KCNJ3: variants seen among roughly 807,000 people sequenced by gnomAD.
The protein encoded by KCNJ3 is G protein-activated inward rectifier potassium channel 1.
A neutral mutation model predicts 39.2 loss-of-function variants in KCNJ3; 4 were observed. The observed-to-expected ratio is 0.10, with a 90% CI of 0.05 to 0.23. KCNJ3 has a LOEUF of 0.23. KCNJ3 is among the 10% of genes least tolerant of loss of function. The probability of loss-of-function intolerance (pLI) is 1.00; values close to 1 mark genes in which losing one functional copy is unlikely to be tolerated. For synonymous variants in KCNJ3, 230 were observed against 237.4 expected (o/e 0.97, Z 0.29); for missense variants, 276 against 634.9 (o/e 0.43, Z 6.08).
chr2:154,850,813 A>G (rs1172300794), intron 2 of KCNJ3, among the ~76,000 whole-genome samples: 1 of 152,172 alleles, frequency 6.6e-6, no homozygotes, highest in Non-Finnish European at 1.5e-5. Context: ...AATACACCCC[A>G]TATATCCATA....
At chr2:154,771,432 C>T (rs931164960) in intron 2 of KCNJ3, among the ~76,000 whole-genome samples, 1 of 152,226 alleles carries the variant, frequency 6.6e-6, no homozygotes, top group Non-Finnish European at 1.5e-5. Context: ...GATGAAAATA[C>T]TGGAGAATTG....
intron 2 of KCNJ3, among the ~76,000 whole-genome samples, chr2:154,778,560 C>T (rs1686378444): frequency 6.6e-6 from 1 of 152,066 alleles, no homozygotes; most frequent in Admixed American, 6.6e-5. Flanking sequence ...TAGCCTATTA[C>T]ATTATAATGA....
chr2:154,817,054 T>C (rs1687093440), intron 2 of KCNJ3, among the ~76,000 whole-genome samples: 1 of 152,206 alleles, frequency 6.6e-6, no homozygotes, highest in Non-Finnish European at 1.5e-5. Flanking sequence ...TTGTAAAAAT[T>C]ATTAATGTGA....
rs1686217563 is a variant in KCNJ3, at chr2:154,770,362, A to C, written c.919+60543A>C. Among the ~76,000 whole-genome samples, 4 of 152,238 alleles carry C rather than the reference A, an allele frequency of 2.6e-5. No individual in the cohort carries two copies. The South Asian group carries it at 8.3e-4, about 32-fold the overall frequency. On this transcript the variant is annotated intron_variant, in intron 2 of 2. Coordinates refer to ENST00000295101, the MANE Select transcript of KCNJ3 (RefSeq NM_002239.4). Reference sequence around the variant, plus strand: ...GTTGATGGAAATCTTCCTGGTTCTTAATTCTGTTCCGTCGTAGCTCTTGGA... The same window carrying C: ...GTTGATGGAAATCTTCCTGGTTCTTCATTCTGTTCCGTCGTAGCTCTTGGA...
At chr2:154,807,025 G>T (rs372372017) in intron 2 of KCNJ3, among the ~76,000 whole-genome samples, 1 of 152,086 alleles carries the variant, frequency 6.6e-6, no homozygotes, top group African/African-American at 2.4e-5. Flanking sequence ...TTCCATAATG[G>T]TGTCATTGAT....
chr2:154,815,648 C>T (rs1174607232), intron 2 of KCNJ3, among the ~76,000 whole-genome samples: 1 of 152,082 alleles, frequency 6.6e-6, no homozygotes, highest in African/African-American at 2.4e-5. Context: ...AGAGAAATGC[C>T]CTTCCTGTCT....
rs754153819 is a variant in KCNJ3 at position 154,854,883 on chromosome 2, A to G, written c.1076A>G (p.Lys359Arg). 6.2e-7 allele frequency: 1 copy of G among 1,614,046 alleles called. No homozygotes were observed. Among genetic ancestry groups the G allele is most frequent in the Non-Finnish European group, 8.5e-7 (1 of 1,179,948 alleles). The change falls in exon 3 of 3, where the codon AAA (lysine) becomes AGA (arginine). Residue 359 changes from lysine to arginine, a missense_variant. Lys to Arg is a conservative substitution (Grantham distance 26). Coordinates refer to ENST00000295101, the MANE Select transcript of KCNJ3 (RefSeq NM_002239.4). ...GTCCCCACCCCACCTTACAGTGTGA[A>G]AGAGCAGGAGGAAATGCTTCTCATG... ...FEVPTPPYSV[K>R]EQEEMLLMSS... is the part of the protein sequence containing the mutation.
At chr2:154,735,069 CTGTGTGTG>C (rs10632638) in intron 2 of KCNJ3, among the ~76,000 whole-genome samples, 5 of 145,814 alleles carry the variant, frequency 3.4e-5, no homozygotes, top group African/African-American at 7.7e-5. Flanking sequence ...CCTTGTAGGC[CTGTGTGTG>C]TGTGTGTGTG....
rs1684849775 is a variant in KCNJ3, at chr2:154,699,553, G to C, written c.702+76G>C. 2.0e-6 allele frequency: 3 copies of C among 1,482,830 alleles called. No homozygotes were observed. The highest frequency in any genetic ancestry group is 2.7e-6 in the Non-Finnish European group (3 of 1,118,230). 91.9% of individuals were successfully genotyped at this position (1,482,830 alleles called of 1,614,324 possible). A position where few individuals can be genotyped will look rare whatever the true frequency, so the allele number is the denominator to read the frequency against. On this transcript the variant is annotated intron_variant, in intron 1 of 2. Transcript: ENST00000295101. This position sits in a 1 kb window ranked among gnomAD's most constrained non-coding sequence, Gnocchi z 6.4. Reference sequence around the variant, plus strand: ...CGCGGAGTAACTCGTCTGAGAACCAGCCCGGGCCCCCTCCCCTGGTTCTAC... The same window carrying C: ...CGCGGAGTAACTCGTCTGAGAACCACCCCGGGCCCCCTCCCCTGGTTCTAC...
At chr2:154,853,765 CA>C (rs1414910055) in intron 2 of KCNJ3, among the ~76,000 whole-genome samples, 2 of 152,042 alleles carry the variant, frequency 1.3e-5, no homozygotes, top group Admixed American at 6.6e-5. Flanking sequence ...GATTGTAACA[CA>C]ATCGAAATAA....
At chr2:154,783,187 A>AG (rs1312957873) in intron 2 of KCNJ3, among the ~76,000 whole-genome samples, 1 of 152,282 alleles carries the variant, frequency 6.6e-6, no homozygotes, top group Non-Finnish European at 1.5e-5. Context: ...CAAAAAAAAA[A>AG]GTACTTTTAG....
chr2:154,786,029 T>G (rs1180749994), intron 2 of KCNJ3, among the ~76,000 whole-genome samples: 1 of 152,162 alleles, frequency 6.6e-6, no homozygotes, highest in Non-Finnish European at 1.5e-5. Context: ...GGTGTCAATG[T>G]TTTAATCATG....
rs186491087 is a variant in KCNJ3 at position 154,769,500 on chromosome 2, C to T, written c.919+59681C>T. 1.2e-4 allele frequency among the ~76,000 whole-genome samples: 18 copies of T among 152,192 alleles called. No homozygotes were observed. In the East Asian group the frequency reaches 3.5e-3, roughly 29 times the overall value. On this transcript the variant is annotated intron_variant, in intron 2 of 2. Transcript: ENST00000295101. The stretch of plus-strand genomic sequence containing the variant: ...ATGATGGATTATGTTTACTGATTTG[C>T]GTATGTTGCACCAGCCTTACATCCC...
chr2:154,789,676 A>G (rs1166879053), intron 2 of KCNJ3, among the ~76,000 whole-genome samples: 3 of 152,124 alleles, frequency 2.0e-5, no homozygotes, highest in Non-Finnish European at 2.9e-5. Context: ...ATATACACAC[A>G]TATGTAGGTA....
intron 2 of KCNJ3, among the ~76,000 whole-genome samples, chr2:154,771,565 G>A (rs188262405): frequency 6.6e-6 from 1 of 152,100 alleles, no homozygotes. Flanking sequence ...GTGCAGAATA[G>A]GGCAGACTCA....
At chr2:154,833,375 A>G (rs148096745) in intron 2 of KCNJ3, among the ~76,000 whole-genome samples, 19 of 152,310 alleles carry the variant, frequency 1.2e-4, no homozygotes, top group African/African-American at 4.3e-4. Context: ...AAATTTTCCA[A>G]TTAATAGACT....
At chr2:154,847,209 G>A (rs1042566242) in intron 2 of KCNJ3, among the ~76,000 whole-genome samples, 2 of 152,078 alleles carry the variant, frequency 1.3e-5, no homozygotes, top group Non-Finnish European at 2.9e-5. Context: ...TGTAATGTAT[G>A]CAGTGTCTTT....
intron 2 of KCNJ3, among the ~76,000 whole-genome samples, chr2:154,821,976 T>G (rs1434644111): frequency 1.3e-5 from 2 of 151,906 alleles, no homozygotes; most frequent in Non-Finnish European, 2.9e-5. Flanking sequence ...TGTGCATCTG[T>G]TGACAGCAGA....
chr2:154,751,349 A>G (rs919171739), intron 2 of KCNJ3, among the ~76,000 whole-genome samples: 1 of 152,050 alleles, frequency 6.6e-6, no homozygotes, highest in African/African-American at 2.4e-5. Context: ...TTCATTACAT[A>G]TCAAAATAAT....
Sources: gnomAD v4.1 joint callset for allele counts (sites outside exome capture counted in the v4.1 genomes callset) on GRCh38, gnomAD v4.1.1 for gene constraint, Gnocchi (gnomAD v3.1) non-coding constraint, MANE v1.5 for transcripts, NCBI Gene and HGNC (gene_info 2026-07-23, HGNC 2026-07-21) for gene names.